The following FRAS1 variants were observed in gnomAD, a reference collection of about 807,000 sequenced individuals.
The protein encoded by FRAS1 is extracellular matrix organizing protein FRAS1.
A neutral mutation model predicts 435.2 loss-of-function variants in FRAS1; 290 were observed. That is an observed-to-expected ratio of 0.67 (90% CI 0.61 to 0.73). The LOEUF (loss-of-function observed/expected upper bound fraction) is 0.73. FRAS1 is among the 30% of genes least tolerant of loss of function. The pLI, the probability that FRAS1 is intolerant of heterozygous loss-of-function variation, is 0.00. For missense variants in FRAS1, 4,860 were observed against 5,001.5 expected, an observed-to-expected ratio of 0.97 and a Z score of 0.85; for synonymous variants, 1,800 against 1,851.0, an observed-to-expected ratio of 0.97 and a Z score of 0.71.
At chr4:78,214,186 G>A (rs1723641828) in intron 2 of FRAS1, among the ~76,000 whole-genome samples, 1 of 152,172 alleles carries the variant, frequency 6.6e-6, no homozygotes, top group South Asian at 2.1e-4. Flanking sequence ...CCATCTCCTA[G>A]CCAGTACACT....
Position 78,489,066 on chromosome 4 carries a change from C to A in FRAS1, c.8944C>A (p.Leu2982Ile). Residue 2982 changes from leucine (L) to isoleucine (I), a missense_variant, in exon 59 of 74, where the codon CTC (leucine) becomes ATC (isoleucine). Transcript: ENST00000512123. Reference protein sequence around the residue: ...QNADSSRITFLKGDKVKNCTV... With the variant: ...QNADSSRITFIKGDKVKNCTV... ...TGCAGACTCTTCACGGATTACATTT[C>A]TCAAAGGGGACAAAGTAAGTGGATT... is the stretch of plus-strand genomic sequence containing the variant. 6.2e-7 allele frequency: 1 copy of A among 1,612,588 alleles called. No individual in the cohort carries two copies. The highest frequency in any genetic ancestry group is 1.3e-5 in the African/African-American group (1 of 75,000).
chr4:78,235,006 A>G (rs1724688311), intron 2 of FRAS1, among the ~76,000 whole-genome samples: 1 of 152,238 alleles, frequency 6.6e-6, no homozygotes, highest in Non-Finnish European at 1.5e-5. Flanking sequence ...GCGACTGGCA[A>G]GTTCAAACTG....
At chr4:78,522,519 G>A in intron 68 of FRAS1, 130 bp from the exon 69 acceptor site, 1 of 777,668 alleles carries the variant, frequency 1.3e-6, no homozygotes, top group South Asian at 1.8e-5. Context: ...GGGGCAAAAT[G>A]GGCTAAGCTT....
chr4:78,281,503 A>G (rs1727330997), intron 11 of FRAS1, 70 bp downstream of exon 11: 1 of 973,694 alleles, frequency 1.0e-6, no homozygotes, highest in South Asian at 1.8e-5. Context: ...TGCATGAAAT[A>G]TCATGGGGAA....
At position 78,388,640 on chromosome 4, in the gene FRAS1, T is replaced by A. The variant is rs888866960; in HGVS notation, c.3975+939T>A. On this transcript the variant is annotated intron_variant, in intron 29 of 73. Transcript: ENST00000512123. ...TGGAGAAATCTTGTCTCTACTAAAG[T>A]TTTTTTTTTTTTTTTAAATTAGCTG... 2.0e-4 allele frequency among the ~76,000 whole-genome samples: 4 copies of A among 19,642 alleles called. No homozygotes were observed. The African/African-American group carries it at 2.5e-3, about 12-fold the overall frequency. 12.9% of individuals were successfully genotyped at this position (19,642 alleles called of 152,430 possible). A position where few individuals can be genotyped will look rare whatever the true frequency, so the allele number is the denominator to read the frequency against.
chr4:78,384,326 A>C (rs974680446), intron 28 of FRAS1, among the ~76,000 whole-genome samples, 183 bp downstream of exon 28: 14 of 152,186 alleles, frequency 9.2e-5, no homozygotes, highest in African/African-American at 3.4e-4. Flanking sequence ...CAGCAACCAA[A>C]ATTACTAATA....
In FRAS1 at chr4:78,445,671, A is replaced by T; in HGVS notation, c.5815A>T (p.Thr1939Ser). 6.2e-7 allele frequency: 1 copy of T among 1,613,966 alleles called. No homozygotes were observed. Among genetic ancestry groups the T allele is most frequent in the Non-Finnish European group, 8.5e-7 (1 of 1,179,852 alleles). Residue 1939 changes from threonine (T) to serine (S), a missense_variant, in exon 42 of 74, where the codon ACC becomes TCC. Coordinates refer to ENST00000512123, the MANE Select transcript of FRAS1 (RefSeq NM_025074.7). ...DIFSFYVSDG[T>S]SRSEIHSINI... ...TTTTAGTTTTTATGTGAGTGATGGA[A>T]CCAGTCGTTCAGAAATTCACAGCAT...
At chr4:78,073,859 TAA>T (rs1383985681) in intron 2 of FRAS1, among the ~76,000 whole-genome samples, 1 of 152,198 alleles carries the variant, frequency 6.6e-6, no homozygotes, top group Non-Finnish European at 1.5e-5. Context: ...CACTTAAACA[TAA>T]AATTGGCACA....
At chr4:78,376,200 T>G (rs1365029197) in intron 26 of FRAS1, among the ~76,000 whole-genome samples, 1 of 152,218 alleles carries the variant, frequency 6.6e-6, no homozygotes, top group African/African-American at 2.4e-5. Context: ...ACAGTCACAC[T>G]TTGCTTAATG....
chr4:78,335,169 A>T (rs566565486), intron 19 of FRAS1, among the ~76,000 whole-genome samples: 1 of 152,262 alleles, frequency 6.6e-6, no homozygotes, highest in East Asian at 1.9e-4. Context: ...GTTGTCAATT[A>T]TTGCCTAATA....
intron 14 of FRAS1, among the ~76,000 whole-genome samples, chr4:78,307,519 T>C (rs1433236689): frequency 1.3e-5 from 2 of 152,194 alleles, no homozygotes; most frequent in Non-Finnish European, 2.9e-5. Flanking sequence ...TCCGTGGGCG[T>C]AGGACTCTCC....
chr4:78,284,829 A>G (rs964529458), intron 13 of FRAS1, among the ~76,000 whole-genome samples: 4 of 152,188 alleles, frequency 2.6e-5, no homozygotes, highest in African/African-American at 9.7e-5. Context: ...TCATAGTTAA[A>G]TATTTTTATT....
At chr4:78,503,069 A>G (rs1435463738) in intron 61 of FRAS1, among the ~76,000 whole-genome samples, 1 of 152,132 alleles carries the variant, frequency 6.6e-6, no homozygotes, top group Admixed American at 6.6e-5. Flanking sequence ...TGAAGCCAAC[A>G]TGATCGTGGT....
chr4:78,539,379 A>G lies in FRAS1; in HGVS notation c.11384A>G (p.His3795Arg), dbSNP rs776488710. Residue 3795 changes from histidine to arginine, a missense_variant, in exon 73 of 74, where the codon CAT becomes CGT. By Grantham distance (29) the His-to-Arg change is conservative. Coordinates refer to ENST00000512123, the MANE Select transcript of FRAS1 (RefSeq NM_025074.7). ...AHFASELPDF[H>R]VVSNMPGVDG... ...TTTGCCTCTGAGTTGCCTGATTTCC[A>G]TGTGGTCAGTAACATGCCAGGTGTG... is the stretch of plus-strand genomic sequence containing the variant. 24 of 1,612,844 alleles carry G rather than the reference A, an allele frequency of 1.5e-5. No homozygotes were observed. Among genetic ancestry groups the G allele is most frequent in the Non-Finnish European group, 2.0e-5 (24 of 1,179,486 alleles).
chr4:78,484,806 A>G (rs1720119422), intron 58 of FRAS1, among the ~76,000 whole-genome samples: 1 of 152,156 alleles, frequency 6.6e-6, no homozygotes, highest in Non-Finnish European at 1.5e-5. Context: ...AGGTCACCCA[A>G]TGTCTAGTAT....
intron 9 of FRAS1, among the ~76,000 whole-genome samples, chr4:78,270,755 G>A (rs1172829455): frequency 4.0e-5 from 6 of 151,854 alleles, no homozygotes; most frequent in Non-Finnish European, 8.8e-5. Context: ...TCTTTTATAT[G>A]CTTTGAAAGC....
At chr4:78,384,428 A>G (rs935140857) in intron 28 of FRAS1, among the ~76,000 whole-genome samples, 1 of 152,200 alleles carries the variant, frequency 6.6e-6, no homozygotes, top group Non-Finnish European at 1.5e-5. Flanking sequence ...ATTGTCTCCA[A>G]TTTACAGACA....
At chr4:78,441,063 T>C (rs1005543213) in intron 40 of FRAS1, 99 bp from the exon 41 acceptor site, 2 of 1,182,116 alleles carry the variant, frequency 1.7e-6, no homozygotes, top group African/African-American at 3.0e-5. Context: ...GCAGAATTGG[T>C]GCTAGAAGGT....
chr4:78,270,211 C>G (rs988159490), intron 9 of FRAS1, among the ~76,000 whole-genome samples: 2 of 152,182 alleles, frequency 1.3e-5, no homozygotes, highest in African/African-American at 4.8e-5. Flanking sequence ...AACTTCCCAC[C>G]TCACCAAAAC....
Sources: allele counts gnomAD v4.1 joint callset (sites outside exome capture counted in the v4.1 genomes callset), GRCh38; gene constraint gnomAD v4.1.1; transcripts MANE v1.5; gene names NCBI Gene and HGNC (gene_info 2026-07-23, HGNC 2026-07-21).